FARS2: variants seen among roughly 807,000 people sequenced by gnomAD.
The protein encoded by FARS2 is phenylalanyl-tRNA synthetase 2, mitochondrial, also known as phenylalanine--tRNA ligase, mitochondrial.
FARS2 carries 40 observed loss-of-function variants against 46.4 expected under a neutral mutation model. The ratio of observed to expected loss-of-function variants is 0.86; its 90% CI spans 0.67 to 1.12. The LOEUF (loss-of-function observed/expected upper bound fraction) is 1.12, where lower values mean the gene tolerates loss of function less well. Among genes scored for constraint, FARS2 ranks in the 50% most tolerant of loss-of-function variants. FARS2 has a pLI of 0.00. For synonymous variants in FARS2, 234 were observed against 214.9 expected (o/e 1.09, Z -0.78); for missense variants, 513 against 567.9 (o/e 0.90, Z 0.98).
At chr6:5,685,457 T>C (rs1483690362) in intron 6 of FARS2, among the ~76,000 whole-genome samples, 1 of 152,166 alleles carries the variant, frequency 6.6e-6, no homozygotes, top group Non-Finnish European at 1.5e-5. Context: ...TGCAACACCC[T>C]GCAAGTCACT....
intron 3 of FARS2, among the ~76,000 whole-genome samples, chr6:5,424,927 C>T (rs925952950): frequency 3.3e-5 from 5 of 152,240 alleles, no homozygotes; most frequent in African/African-American, 7.2e-5. Flanking sequence ...CACGATTTCC[C>T]GTGGTTAGAT....
At chr6:5,619,415 C>T (rs895085146) in intron 6 of FARS2, among the ~76,000 whole-genome samples, 20 of 152,234 alleles carry the variant, frequency 1.3e-4, no homozygotes, top group East Asian at 1.9e-4. Context: ...CTCCTTGTTC[C>T]GGGGACTGCT....
At chr6:5,715,853 A>T (rs1296526587) in intron 6 of FARS2, among the ~76,000 whole-genome samples, 1 of 152,262 alleles carries the variant, frequency 6.6e-6, no homozygotes, top group African/African-American at 2.4e-5. Context: ...TGAGTTACAC[A>T]TGATAACTAT....
intron 4 of FARS2, among the ~76,000 whole-genome samples, chr6:5,531,576 C>T (rs1051817347): frequency 2.8e-4 from 42 of 152,310 alleles, no homozygotes; most frequent in African/African-American, 9.9e-4. Context: ...CTCTCATCCA[C>T]AGTCTGCTCT....
intron 4 of FARS2, among the ~76,000 whole-genome samples, chr6:5,440,654 T>C (rs968794631): frequency 1.3e-5 from 2 of 152,204 alleles, no homozygotes; most frequent in African/African-American, 4.8e-5. Flanking sequence ...TCTTTACATT[T>C]AACAGGAAAA....
chr6:5,713,743 A>G (rs1386760696), intron 6 of FARS2, among the ~76,000 whole-genome samples: 1 of 152,242 alleles, frequency 6.6e-6, no homozygotes, highest in East Asian at 1.9e-4. Context: ...ATATTTGCAC[A>G]GGCCATTGTT....
chr6:5,527,072 A>G (rs916670016), intron 4 of FARS2, among the ~76,000 whole-genome samples: 1 of 152,246 alleles, frequency 6.6e-6, no homozygotes, highest in Admixed American at 6.5e-5. Context: ...TAATGTATAC[A>G]GTATTATATA....
chr6:5,315,745 T>TCTTTCTTTCTTTCTTCCTTC (rs1554162045), intron 1 of FARS2, among the ~76,000 whole-genome samples: 1 of 150,208 alleles, frequency 6.7e-6, no homozygotes, highest in African/African-American at 2.5e-5. Flanking sequence ...TTTTTTCCTT[T>TCTTTCTTTCTTTCTTCCTTC]CTTTCTTTCT....
intron 5 of FARS2, among the ~76,000 whole-genome samples, chr6:5,582,613 A>T (rs1773399970): frequency 6.6e-6 from 1 of 152,218 alleles, no homozygotes; most frequent in African/African-American, 2.4e-5. Flanking sequence ...AATTTCATGT[A>T]GTTCATGCTG....
intron 5 of FARS2, chr6:5,610,252 C>A: frequency 2.1e-6 from 1 of 484,332 alleles, no homozygotes; most frequent in African/African-American, 2.0e-5. Context: ...CATCCACGAG[C>A]AGAAAGTAGC....
At chr6:5,590,349 G>A (rs1773844669) in intron 5 of FARS2, among the ~76,000 whole-genome samples, 1 of 152,214 alleles carries the variant, frequency 6.6e-6, no homozygotes, top group African/African-American at 2.4e-5. Flanking sequence ...TATTCCTGGA[G>A]ATGTAGATTC....
chr6:5,481,646 T>G (rs1327670362), intron 4 of FARS2, among the ~76,000 whole-genome samples: 1 of 152,214 alleles, frequency 6.6e-6, no homozygotes, highest in African/African-American at 2.4e-5. Context: ...CACAGTCCTA[T>G]TTATTTATTG....
chr6:5,678,794 A>G (rs1427418952), intron 6 of FARS2, among the ~76,000 whole-genome samples: 1 of 152,186 alleles, frequency 6.6e-6, no homozygotes, highest in Non-Finnish European at 1.5e-5. Flanking sequence ...TACAGAGAGA[A>G]TATGATAAAT....
chr6:5,507,394 A>T lies in FARS2; in HGVS notation c.905-37786A>T, dbSNP rs1237004801. The stretch of plus-strand genomic sequence containing the variant: ...ATAAAAAGGAAGCTCTTTAAAAAAA[A>T]AAAATCTGATGTTTAGCTCCTGTTG... On this transcript the variant is annotated intron_variant, in intron 4 of 6. Coordinates refer to ENST00000274680, the MANE Select transcript of FARS2 (RefSeq NM_006567.5). Among the ~76,000 whole-genome samples the T allele has an allele frequency of 6.3e-4, 96 of 152,236 alleles. 1 individual carries two copies. The highest frequency in any genetic ancestry group is 1.0e-4 in the Non-Finnish European group (7 of 68,042).
intron 1 of FARS2, among the ~76,000 whole-genome samples, chr6:5,272,794 G>C (rs55960383): frequency 0.096 from 14,543 of 152,174 alleles, 923 homozygotes; most frequent in African/African-American, 0.18. Flanking sequence ...GCTAGTCAAT[G>C]TCTCTGCATC....
chr6:5,262,774 C>A (rs1482972227), intron 1 of FARS2, among the ~76,000 whole-genome samples: 1 of 152,206 alleles, frequency 6.6e-6, no homozygotes, highest in Admixed American at 6.5e-5. Flanking sequence ...TTGAAAATCT[C>A]ATGTCTGTTA....
intron 1 of FARS2, among the ~76,000 whole-genome samples, chr6:5,261,917 G>C (rs779279857): frequency 1.3e-5 from 2 of 152,232 alleles, no homozygotes; most frequent in Non-Finnish European, 2.9e-5. Flanking sequence ...TTCTTCAGAA[G>C]ACTGCAGCTT....
chr6:5,546,693 T>C (rs1348475058), intron 5 of FARS2, among the ~76,000 whole-genome samples: 1 of 151,988 alleles, frequency 6.6e-6, no homozygotes, highest in East Asian at 1.9e-4. Flanking sequence ...GTGTGCTTTA[T>C]TTTTGATAAT....
intron 6 of FARS2, among the ~76,000 whole-genome samples, chr6:5,668,686 G>GTTTTTT (rs58819474): frequency 3.0e-4 from 16 of 53,412 alleles, no homozygotes; most frequent in East Asian, 6.5e-4. Context: ...GTGTGTTTGG[G>GTTTTTT]TTTTTTTTTT....
Sources: allele counts gnomAD v4.1 joint callset (sites outside exome capture counted in the v4.1 genomes callset), GRCh38; gene constraint gnomAD v4.1.1; transcripts MANE v1.5; gene names NCBI Gene and HGNC (gene_info 2026-07-23, HGNC 2026-07-21).